IGSF21: variants seen among roughly 807,000 people sequenced by gnomAD.
IGSF21 encodes the protein immunoglobulin superfamily member 21.
IGSF21 carries 28 observed loss-of-function variants against 46.8 expected under a neutral mutation model. The ratio of observed to expected loss-of-function variants is 0.60; its 90% CI spans 0.44 to 0.82. IGSF21 has a LOEUF of 0.82. IGSF21 is among the 40% of genes least tolerant of loss of function. IGSF21 has a pLI of 0.00. For synonymous variants in IGSF21, 284 were observed against 273.6 expected (o/e 1.04, Z -0.38); for missense variants, 624 against 665.5 (o/e 0.94, Z 0.69).
chr1:18,361,527 C>G (rs1039575815), intron 4 of IGSF21: 1 of 152,786 alleles, frequency 6.5e-6, no homozygotes, highest in African/African-American at 2.4e-5. Context: ...TATGCCCAGC[C>G]CCGCTGGGCA....
At chr1:18,302,800 G>A (rs1390118012) in intron 3 of IGSF21, among the ~76,000 whole-genome samples, 1 of 152,114 alleles carries the variant, frequency 6.6e-6, no homozygotes, top group Non-Finnish European at 1.5e-5. Context: ...CTCCTTGGTT[G>A]GGTCTTGGGT....
chr1:18,197,321 G>T (rs1224634132), intron 1 of IGSF21, among the ~76,000 whole-genome samples: 1 of 152,140 alleles, frequency 6.6e-6, no homozygotes, highest in Non-Finnish European at 1.5e-5. Context: ...ACCCAGGAGG[G>T]GTCCCTTGGA....
chr1:18,175,620 C>G (rs1310267502), intron 1 of IGSF21, among the ~76,000 whole-genome samples: 1 of 152,078 alleles, frequency 6.6e-6, no homozygotes, highest in African/African-American at 2.4e-5. Flanking sequence ...AGCGGGGGCT[C>G]CCTTCCTCTG....
intron 1 of IGSF21, among the ~76,000 whole-genome samples, chr1:18,214,651 A>C (rs2084424753): frequency 1.3e-5 from 2 of 152,178 alleles, no homozygotes; most frequent in South Asian, 4.2e-4. Context: ...TCATGGAGGA[A>C]GGTGAAGGGG....
chr1:18,354,745 G>C (rs1017080227), intron 4 of IGSF21, among the ~76,000 whole-genome samples: 3 of 152,086 alleles, frequency 2.0e-5, no homozygotes, highest in East Asian at 1.9e-4. Flanking sequence ...TCCCTTCCTC[G>C]AGACAATGGT....
intron 3 of IGSF21, among the ~76,000 whole-genome samples, chr1:18,298,063 G>A (rs866296111): frequency 3.3e-5 from 5 of 152,202 alleles, no homozygotes; most frequent in East Asian, 1.9e-4. Flanking sequence ...CCAGGTAGAC[G>A]ACATGGCAAG....
chr1:18,108,621 G>A lies in IGSF21; in HGVS notation c.70+423G>A, dbSNP rs372095116. Among the ~76,000 whole-genome samples, 427 of 151,966 alleles carry A rather than the reference G, an allele frequency of 2.8e-3. 3 individuals carry two copies. The highest frequency in any genetic ancestry group is 9.7e-3 in the African/African-American group (401 of 41,458). ...AAGGTGTGTGTGTGAGAGTGTGAGC[G>A]AATGTTGGGGGGAGGGTGTGAACAT... is the stretch of plus-strand genomic sequence containing the variant. On this transcript the variant is annotated intron_variant, in intron 1 of 9. Transcript: ENST00000251296.
intron 1 of IGSF21, among the ~76,000 whole-genome samples, chr1:18,222,308 T>C (rs138222869): frequency 4.3e-4 from 65 of 152,324 alleles, no homozygotes; most frequent in African/African-American, 1.6e-3. Flanking sequence ...CTGGATGAGA[T>C]GTCTGGCTGA....
chr1:18,162,336 C>T (rs561150146), intron 1 of IGSF21, among the ~76,000 whole-genome samples: 7 of 152,306 alleles, frequency 4.6e-5, no homozygotes, highest in East Asian at 1.9e-4. Flanking sequence ...TGTGAGCCAC[C>T]GCACCTGGCC....
intron 1 of IGSF21, among the ~76,000 whole-genome samples, chr1:18,193,514 T>C (rs754739464): frequency 1.3e-5 from 2 of 152,146 alleles, no homozygotes; most frequent in African/African-American, 2.4e-5. Flanking sequence ...ACAGAGGAAC[T>C]TGGAGTCCTA....
At chr1:18,300,543 C>A (rs908069598) in intron 3 of IGSF21, among the ~76,000 whole-genome samples, 3 of 152,234 alleles carry the variant, frequency 2.0e-5, no homozygotes, top group Non-Finnish European at 4.4e-5. Context: ...CAGGCACCAG[C>A]CAGCCCTGGA....
intron 2 of IGSF21, among the ~76,000 whole-genome samples, chr1:18,264,181 T>G (rs1160033059): frequency 6.6e-6 from 1 of 152,200 alleles, no homozygotes; most frequent in Non-Finnish European, 1.5e-5. Flanking sequence ...CCCCTCCTTC[T>G]GTATGAGGGG....
intron 3 of IGSF21, among the ~76,000 whole-genome samples, chr1:18,300,366 A>G (rs2085349522): frequency 6.6e-6 from 1 of 152,236 alleles, no homozygotes; most frequent in Non-Finnish European, 1.5e-5. Flanking sequence ...AAAGAATTCA[A>G]TGGCCGGCAC....
intron 2 of IGSF21, among the ~76,000 whole-genome samples, chr1:18,278,203 CATTCATTT>C (rs140871466): frequency 0.22 from 27,359 of 122,710 alleles, 2,835 homozygotes; most frequent in East Asian, 0.34. Context: ...AACATGGCTG[CATTCATTT>C]ATTTATTTAT....
chr1:18,327,987 C>T (rs1201920761), intron 3 of IGSF21, among the ~76,000 whole-genome samples: 2 of 152,184 alleles, frequency 1.3e-5, no homozygotes, highest in Non-Finnish European at 2.9e-5. Context: ...CCCTAAGACT[C>T]GACAGGATGA....
At chr1:18,304,455 AATCCT>A (rs995441771) in intron 3 of IGSF21, among the ~76,000 whole-genome samples, 1 of 152,148 alleles carries the variant, frequency 6.6e-6, no homozygotes, top group Non-Finnish European at 1.5e-5. Context: ...CACCCAGGCC[AATCCT>A]CTCATTCTCC....
At chr1:18,273,889 C>T (rs1026968438) in intron 2 of IGSF21, among the ~76,000 whole-genome samples, 4 of 151,998 alleles carry the variant, frequency 2.6e-5, no homozygotes, top group Non-Finnish European at 5.9e-5. Flanking sequence ...GACCCCAGTG[C>T]CTAAGTCTAA....
intron 2 of IGSF21, among the ~76,000 whole-genome samples, chr1:18,251,418 T>C (rs1000685147): frequency 1.7e-4 from 26 of 152,212 alleles, no homozygotes; most frequent in Admixed American, 1.4e-3. Flanking sequence ...AAGTTGGATA[T>C]GAGTCTGGCA....
chr1:18,370,664 A>C (rs1190624971), intron 6 of IGSF21, among the ~76,000 whole-genome samples: 2 of 152,234 alleles, frequency 1.3e-5, no homozygotes, highest in African/African-American at 4.8e-5. Flanking sequence ...GAGAAAAAAG[A>C]AAAGCAAACT....
Sources: allele counts gnomAD v4.1 joint callset (sites outside exome capture counted in the v4.1 genomes callset), GRCh38; gene constraint gnomAD v4.1.1; transcripts MANE v1.5; gene names NCBI Gene and HGNC (gene_info 2026-07-23, HGNC 2026-07-21).